The following RAB11FIP4 variants were observed in gnomAD, a reference collection of about 807,000 sequenced individuals.
The protein encoded by RAB11FIP4 is rab11 family-interacting protein 4.
Under a neutral mutation model 74.3 loss-of-function variants are expected in RAB11FIP4, and 23 were observed. The observed-to-expected ratio is 0.31, with a 90% CI of 0.22 to 0.44. The LOEUF (loss-of-function observed/expected upper bound fraction) is 0.44, where lower values mean the gene tolerates loss of function less well. Ranked by LOEUF, RAB11FIP4 falls within the 20% of genes least tolerant of loss-of-function variation. RAB11FIP4 has a pLI of 1.00. For synonymous variants in RAB11FIP4, 360 were observed against 359.9 expected (o/e 1.00, Z 0.00); for missense variants, 630 against 863.9 (o/e 0.73, Z 3.39).
In RAB11FIP4 at chr17:31,533,927, A is replaced by T. The variant is rs1005953745; in HGVS notation, c.*2195A>T. 3.9e-5 allele frequency: 6 copies of T among 152,316 alleles called. No homozygotes were observed. Among genetic ancestry groups the T allele is most frequent in the South Asian group, 2.1e-4 (1 of 4,830 alleles). The allele number at this position is 152,316 out of a possible 1,614,324, so 9.4% of individuals were successfully genotyped here. On this transcript the variant is annotated 3_prime_UTR_variant, in exon 15 of 15. Transcript: ENST00000621161. ...GGGGGCTGAATTCCAGCTCACACAC[A>T]CCTCAAGTCCAACCTTACTTTCTTC...
chr17:31,402,850 C>T (rs1397504615), intron 1 of RAB11FIP4, among the ~76,000 whole-genome samples: 2 of 151,826 alleles, frequency 1.3e-5, no homozygotes, highest in Non-Finnish European at 2.9e-5. Flanking sequence ...TGGTCTCGAT[C>T]TCCTGACCTT....
intron 3 of RAB11FIP4, among the ~76,000 whole-genome samples, chr17:31,447,780 C>T (rs1006067903): frequency 6.6e-6 from 1 of 152,230 alleles, no homozygotes; most frequent in Non-Finnish European, 1.5e-5. Context: ...ACCTCCACCT[C>T]CCAAATTGCT....
At chr17:31,418,463 A>ATTTTTTTT (rs71142049) in intron 1 of RAB11FIP4, among the ~76,000 whole-genome samples, 1 of 134,268 alleles carries the variant, frequency 7.4e-6, no homozygotes, top group Non-Finnish European at 1.5e-5. Flanking sequence ...AGTTCCCTTG[A>ATTTTTTTT]TTTTTTTTTT....
At position 31,522,008 on chromosome 17, in the gene RAB11FIP4, C is replaced by G. The variant is rs1213275101; in HGVS notation, c.852C>G (p.Leu284=). The part of the protein sequence containing the change: ...CSQCCKKINL[L]NDLEARLKNL... ...AATGCTGCAAGAAAATCAACCTGCT[C>G]AATGACTTGGAAGCCCGACTGAAAA... Residue 284 remains leucine, a synonymous_variant, in exon 6 of 15, where the codon CTC becomes CTG. Coordinates refer to ENST00000621161, the MANE Select transcript of RAB11FIP4 (RefSeq NM_032932.6). 1.2e-6 allele frequency: 2 copies of G among 1,614,156 alleles called. No individual in the cohort carries two copies. Among genetic ancestry groups the G allele is most frequent in the African/African-American group, 1.3e-5 (1 of 75,030 alleles).
chr17:31,531,894 G>C lies in RAB11FIP4; in HGVS notation c.*162G>C, dbSNP rs920494989. ...GTATATGTGGGGAGGCTGTGCACAC[G>C]AGCGAGGGGTGAGTGGCCGTGGCTG... On this transcript the variant is annotated 3_prime_UTR_variant, in exon 15 of 15. Transcript: ENST00000621161. 1 of 617,568 alleles carries C rather than the reference G, an allele frequency of 1.6e-6. No homozygotes were observed. Among genetic ancestry groups the C allele is most frequent in the Non-Finnish European group, 2.9e-6 (1 of 347,642 alleles). 38.3% of individuals were successfully genotyped at this position (617,568 alleles called of 1,614,324 possible).
intron 1 of RAB11FIP4, among the ~76,000 whole-genome samples, chr17:31,402,821 T>A (rs1027577523): frequency 1.3e-4 from 20 of 151,784 alleles, no homozygotes; most frequent in Admixed American, 7.9e-4. Context: ...GAGACGGGGT[T>A]TCACCGTGTT....
chr17:31,422,011 G>A lies in RAB11FIP4; in HGVS notation c.160-9802G>A, dbSNP rs550478047. ...CCTGGGCAACATAGTGAGACCCCCC[G>A]TCTCTACAAGAAAATTAGCTGGGCG... On this transcript the variant is annotated intron_variant, in intron 1 of 14. Transcript: ENST00000621161. Among the ~76,000 whole-genome samples, 268 of 152,048 alleles carry A rather than the reference G, an allele frequency of 1.8e-3. 1 individual carries two copies. The highest frequency in any genetic ancestry group is 6.2e-3 in the African/African-American group (258 of 41,496).
At chr17:31,468,873 A>G (rs1397635806) in intron 3 of RAB11FIP4, among the ~76,000 whole-genome samples, 2 of 152,066 alleles carry the variant, frequency 1.3e-5, no homozygotes, top group African/African-American at 4.8e-5. Flanking sequence ...GTTTACAAAC[A>G]CTTAACCATG....
chr17:31,492,378 T>G (rs1010172256), intron 3 of RAB11FIP4, among the ~76,000 whole-genome samples: 3 of 152,176 alleles, frequency 2.0e-5, no homozygotes, highest in African/African-American at 7.2e-5. Context: ...GGCATTCGGA[T>G]GGGGCATCCT....
chr17:31,537,156 A>ACTGTACAGGATTTTCCACATTGC lies in RAB11FIP4; in HGVS notation c.*5426_*5448dup. 1 of 399,500 alleles carries ACTGTACAGGATTTTCCACATTGC rather than the reference A, an allele frequency of 2.5e-6. No homozygotes were observed. The allele number at this position is 399,500 out of a possible 1,614,324, so 24.7% of individuals were successfully genotyped here. A position where few individuals can be genotyped will look rare whatever the true frequency, so the allele number is the denominator to read the frequency against. Reference sequence around the variant, plus strand: ...CTTGTGCCTTTTCTTCCCCATCGCCACTGTACAGGATTTTCCACATTGCCC... The same window carrying ACTGTACAGGATTTTCCACATTGC: ...CTTGTGCCTTTTCTTCCCCATCGCCACTGTACAGGATTTTCCACATTGCCTGTACAGGATTTTCCACATTGCCC... On this transcript the variant is annotated 3_prime_UTR_variant, in exon 15 of 15. Transcript: ENST00000621161.
chr17:31,402,513 T>A (rs2070996701), intron 1 of RAB11FIP4, among the ~76,000 whole-genome samples: 1 of 152,154 alleles, frequency 6.6e-6, no homozygotes, highest in South Asian at 2.1e-4. Flanking sequence ...TTTTTTATGA[T>A]TTCTCACTTC....
intron 3 of RAB11FIP4, among the ~76,000 whole-genome samples, chr17:31,498,088 G>T (rs763461276): frequency 8.5e-5 from 13 of 152,098 alleles, no homozygotes; most frequent in Admixed American, 2.0e-4. Flanking sequence ...GGGGCTTTGC[G>T]AGCTGCTCTC....
At chr17:31,492,079 G>A (rs1404198861) in intron 3 of RAB11FIP4, among the ~76,000 whole-genome samples, 2 of 152,238 alleles carry the variant, frequency 1.3e-5, no homozygotes, top group African/African-American at 4.8e-5. Context: ...GGTAGGGACA[G>A]GTCCTGCTCT....
At chr17:31,510,328 C>G (rs577130495) in intron 3 of RAB11FIP4, among the ~76,000 whole-genome samples, 1 of 152,236 alleles carries the variant, frequency 6.6e-6, no homozygotes, top group African/African-American at 2.4e-5. Flanking sequence ...CGCTGGACTC[C>G]CCTACACTAG....
At chr17:31,398,742 C>T (rs545314268) in intron 1 of RAB11FIP4, among the ~76,000 whole-genome samples, 2 of 152,204 alleles carry the variant, frequency 1.3e-5, no homozygotes, top group African/African-American at 2.4e-5. Context: ...TCCCTAGCAC[C>T]GGGAAGAAAA....
At chr17:31,491,819 G>A (rs1335135770) in intron 3 of RAB11FIP4, among the ~76,000 whole-genome samples, 3 of 152,204 alleles carry the variant, frequency 2.0e-5, no homozygotes, top group Non-Finnish European at 4.4e-5. Context: ...CCGCGTCGAG[G>A]GGATTTGGGC....
chr17:31,536,875 A>G lies in RAB11FIP4; in HGVS notation c.*5143A>G. On this transcript the variant is annotated 3_prime_UTR_variant, in exon 15 of 15. Transcript: ENST00000621161. ...TTTCTAAAAGCGTAGACCCTGGGGAAGTATAATGTCACCATGCTCACCAGG... is the reference window on the plus strand; with the variant it reads ...TTTCTAAAAGCGTAGACCCTGGGGAGGTATAATGTCACCATGCTCACCAGG... 1 of 397,912 alleles carries G rather than the reference A, an allele frequency of 2.5e-6. No individual in the cohort carries two copies. Among genetic ancestry groups the G allele is most frequent in the Non-Finnish European group, 4.4e-6 (1 of 225,966 alleles). 24.6% of individuals were successfully genotyped at this position (397,912 alleles called of 1,614,324 possible).
chr17:31,498,326 A>G (rs1199831868), intron 3 of RAB11FIP4, among the ~76,000 whole-genome samples: 2 of 152,202 alleles, frequency 1.3e-5, no homozygotes, highest in Non-Finnish European at 2.9e-5. Flanking sequence ...AGCTTCTGGA[A>G]CACGAAGCTT....
At chr17:31,516,878 C>T (rs2072561999) in intron 3 of RAB11FIP4, among the ~76,000 whole-genome samples, 1 of 152,102 alleles carries the variant, frequency 6.6e-6, no homozygotes, top group Non-Finnish European at 1.5e-5. Flanking sequence ...AGAGGTTTCC[C>T]ATTGGTTACT....
Sources: allele counts gnomAD v4.1 joint callset (sites outside exome capture counted in the v4.1 genomes callset), GRCh38; gene constraint gnomAD v4.1.1; transcripts MANE v1.5; gene names NCBI Gene and HGNC (gene_info 2026-07-23, HGNC 2026-07-21).